Variants in TNRC6A observed in about 807,000 individuals in gnomAD.
TNRC6A encodes trinucleotide repeat-containing gene 6A protein.
Under a neutral mutation model 221.2 loss-of-function variants are expected in TNRC6A, and 44 were observed. The ratio of observed to expected loss-of-function variants is 0.20; its 90% confidence interval spans 0.16 to 0.26. The LOEUF (loss-of-function observed/expected upper bound fraction) is 0.26, where lower values mean the gene tolerates loss of function less well. Among genes scored for constraint, TNRC6A ranks in the 10% least tolerant of loss-of-function variants. The pLI is 1.00. For synonymous variants in TNRC6A, 847 were observed against 838.5 expected (o/e 1.01, Z -0.18); for missense variants, 2,199 against 2,404.4 (o/e 0.91, Z 1.79).
chr16:24,685,595 T>C (rs2055610914), intron 2 of TNRC6A, among the ~76,000 whole-genome samples: 1 of 152,174 alleles, frequency 6.6e-6, no homozygotes, highest in South Asian at 2.1e-4. Flanking sequence ...TGCCTTGGCC[T>C]CCCAAAGTGC....
chr16:24,794,811 G>T, intron 8 of TNRC6A, 92 bp downstream of exon 8: 6 of 1,297,926 alleles, frequency 4.6e-6, no homozygotes, highest in Non-Finnish European at 6.3e-6. Flanking sequence ...CATTTCTGGC[G>T]GTCAGTACAG....
At chr16:24,645,840 A>AAAAAAAAAAAAAAAG in intron 2 of TNRC6A, among the ~76,000 whole-genome samples, 1 of 116,612 alleles carries the variant, frequency 8.6e-6, no homozygotes, top group Non-Finnish European at 1.7e-5. Flanking sequence ...TCTACAAAAA[A>AAAAAAAAAAAAAAAG]AAAAAAAAAA....
chr16:24,786,359 T>C (rs2057968782), intron 5 of TNRC6A, among the ~76,000 whole-genome samples: 1 of 152,118 alleles, frequency 6.6e-6, no homozygotes. Context: ...GGAGTCTTGC[T>C]TTGTTGCCCA....
intron 4 of TNRC6A, among the ~76,000 whole-genome samples, chr16:24,770,565 G>A (rs532919141): frequency 5.3e-5 from 8 of 152,254 alleles, no homozygotes; most frequent in African/African-American, 1.9e-4. Context: ...AATTGAGGAA[G>A]AAATTCCTGC....
chr16:24,702,178 T>TTC (rs72074042), intron 2 of TNRC6A, among the ~76,000 whole-genome samples: 21,720 of 79,464 alleles, frequency 0.27, 3,509 homozygotes, highest in East Asian at 0.52. Context: ...CTTTTTTCTT[T>TTC]TTTCTTTTTT....
chr16:24,610,850 G>T (rs1900016326), intron 1 of TNRC6A, among the ~76,000 whole-genome samples: 1 of 151,708 alleles, frequency 6.6e-6, no homozygotes, highest in South Asian at 2.1e-4. Context: ...TCGCTCCGTC[G>T]CCCAGGCTGG....
At chr16:24,612,813 G>C (rs540432574) in intron 1 of TNRC6A, among the ~76,000 whole-genome samples, 42 of 152,004 alleles carry the variant, frequency 2.8e-4, no homozygotes, top group Non-Finnish European at 5.3e-4. Context: ...GGCTACATTT[G>C]TGAACGAAAC....
At chr16:24,782,697 G>A (rs1205984557) in intron 5 of TNRC6A, among the ~76,000 whole-genome samples, 1 of 151,996 alleles carries the variant, frequency 6.6e-6, no homozygotes, top group East Asian at 1.9e-4. Flanking sequence ...CTAACAGGGT[G>A]AAACCCCCTC....
At chr16:24,639,604 T>G (rs1197894631) in intron 1 of TNRC6A, among the ~76,000 whole-genome samples, 1 of 152,230 alleles carries the variant, frequency 6.6e-6, no homozygotes, top group Non-Finnish European at 1.5e-5. Flanking sequence ...ATTCACTTAT[T>G]CACCAACTAC....
At chr16:24,612,370 A>G (rs1900094862) in intron 1 of TNRC6A, among the ~76,000 whole-genome samples, 1 of 152,172 alleles carries the variant, frequency 6.6e-6, no homozygotes. Flanking sequence ...AAGGGCACTC[A>G]GCTAATAAGT....
In TNRC6A at chr16:24,729,687, G is replaced by GGGT; in HGVS notation, c.-155_-154insGGT. On this transcript the variant is annotated 5_prime_UTR_variant, in exon 1 of 25. Coordinates refer to ENST00000395799, the MANE Select transcript of TNRC6A (RefSeq NM_014494.4). ...GGGGCCTGCGGCGGCGGCGGTGTCG[G>GGGT]CGGCGGCGGCGGCGGCGGCGGCGGC... The GGGT allele has an allele frequency of 3.8e-6, 1 of 266,116 alleles. No individual in the cohort carries two copies. Among genetic ancestry groups the GGGT allele is most frequent in the Non-Finnish European group, 5.6e-6 (1 of 178,752 alleles). 16.5% of individuals were successfully genotyped at this position (266,116 alleles called of 1,614,324 possible). A position where few individuals can be genotyped will look rare whatever the true frequency, so the allele number is the denominator to read the frequency against.
intron 2 of TNRC6A, among the ~76,000 whole-genome samples, chr16:24,693,897 CA>C (rs11289234): frequency 0.99 from 150,220 of 151,860 alleles, 74,311 homozygotes; most frequent in East Asian, 1. Context: ...GACCCTATCT[CA>C]AAAAAAAATG....
rs112002910 is a variant in TNRC6A, at chr16:24,707,797, G to A, written n.403-42929G>A. 6.4e-3 allele frequency among the ~76,000 whole-genome samples: 977 copies of A among 152,282 alleles called. 13 individuals are homozygous for A. Among genetic ancestry groups the A allele is most frequent in the African/African-American group, 0.022 (926 of 41,560 alleles). ...ACAATGGGCCAGTGCGGTGGCTCACGCCTGTAATCCCAGCACTCTGGGAGG... is the reference window on the plus strand; with the variant it reads ...ACAATGGGCCAGTGCGGTGGCTCACACCTGTAATCCCAGCACTCTGGGAGG... On this transcript the variant is annotated intron_variant and non_coding_transcript_variant, in intron 2 of 2. Transcript: ENST00000566108.
At chr16:24,725,523 C>A (rs1430012767), upstream of TNRC6A, among the ~76,000 whole-genome samples, 1 of 151,702 alleles carries the variant, frequency 6.6e-6, no homozygotes. Context: ...CAGCCTGAGA[C>A]CCCCTCCTCT....
At chr16:24,781,784 G>C (rs1229146826) in intron 5 of TNRC6A, among the ~76,000 whole-genome samples, 1 of 150,912 alleles carries the variant, frequency 6.6e-6, no homozygotes, top group Non-Finnish European at 1.5e-5. Flanking sequence ...TCTCCTATAT[G>C]TCTCACAGGC....
At chr16:24,778,487 G>A in intron 5 of TNRC6A, 53 of 985,338 alleles carry the variant, frequency 5.4e-5, no homozygotes, top group Non-Finnish European at 6.4e-5. Context: ...TCTAGCATAG[G>A]CACATTGTTA....
chr16:24,771,020 T>C (rs1408417971), intron 4 of TNRC6A, among the ~76,000 whole-genome samples: 4 of 152,176 alleles, frequency 2.6e-5, no homozygotes, highest in Non-Finnish European at 5.9e-5. Flanking sequence ...CACAACAAAT[T>C]GGATGCAGGC....
intron 1 of TNRC6A, among the ~76,000 whole-genome samples, chr16:24,638,409 C>A (rs9938715): frequency 6.6e-6 from 1 of 151,250 alleles, no homozygotes; most frequent in Non-Finnish European, 1.5e-5. Context: ...AAAGCAAGAC[C>A]CTGTCTCAAA....
intron 2 of TNRC6A, among the ~76,000 whole-genome samples, chr16:24,747,949 A>C (rs1031763060): frequency 3.9e-5 from 6 of 152,222 alleles, no homozygotes; most frequent in Non-Finnish European, 8.8e-5. Context: ...AGATCAGAAA[A>C]GGACATGTCT....
Sources: allele counts gnomAD v4.1 joint callset (sites outside exome capture counted in the v4.1 genomes callset), GRCh38; gene constraint gnomAD v4.1.1; transcripts MANE v1.5; gene names NCBI Gene and HGNC (gene_info 2026-07-23, HGNC 2026-07-21).